Variants in CNTNAP2 observed in about 807,000 individuals in gnomAD.
CNTNAP2 encodes contactin-associated protein-like 2.
CNTNAP2 carries 98 observed loss-of-function variants against 155.2 expected under a neutral mutation model. The ratio of observed to expected loss-of-function variants is 0.63; its 90% CI spans 0.54 to 0.75. The LOEUF is 0.75. Among genes scored for constraint, CNTNAP2 ranks in the 30% least tolerant of loss-of-function variants. CNTNAP2 has a pLI of 0.00. For missense variants in CNTNAP2, 1,727 were observed against 1,688.1 expected, an observed-to-expected ratio of 1.02 and a Z score of -0.40; for synonymous variants, 651 against 631.2, an observed-to-expected ratio of 1.03 and a Z score of -0.47.
intron 15 of CNTNAP2, among the ~76,000 whole-genome samples, chr7:148,047,722 G>T (rs957066697): frequency 1.4e-4 from 22 of 152,180 alleles, no homozygotes; most frequent in African/African-American, 5.3e-4. Context: ...GTCCTCAAAT[G>T]ACCATGAAAG....
At chr7:147,048,445 G>A (rs956072519) in intron 4 of CNTNAP2, among the ~76,000 whole-genome samples, 3 of 152,226 alleles carry the variant, frequency 2.0e-5, no homozygotes, top group East Asian at 1.9e-4. Context: ...TCTGACCTCC[G>A]AAGTTGTGAA....
chr7:147,237,761 A>T (rs147285073), intron 8 of CNTNAP2, among the ~76,000 whole-genome samples: 2 of 152,346 alleles, frequency 1.3e-5, no homozygotes, highest in East Asian at 3.9e-4. Flanking sequence ...ATTCAGTCAT[A>T]TGTACATTTC....
chr7:147,349,313 G>C (rs904627685), intron 9 of CNTNAP2, among the ~76,000 whole-genome samples: 1 of 151,724 alleles, frequency 6.6e-6, no homozygotes, highest in Admixed American at 6.6e-5. Context: ...TAAAACAAAA[G>C]ATACTATTAG....
chr7:146,938,546 C>G (rs1307552587), intron 3 of CNTNAP2, among the ~76,000 whole-genome samples: 1 of 151,684 alleles, frequency 6.6e-6, no homozygotes, highest in Non-Finnish European at 1.5e-5. Context: ...ACAAATCCCT[C>G]CACTCCACAT....
At chr7:147,662,952 G>A (rs1310070967) in intron 13 of CNTNAP2, among the ~76,000 whole-genome samples, 2 of 152,110 alleles carry the variant, frequency 1.3e-5, no homozygotes, top group South Asian at 2.1e-4. Flanking sequence ...CTTAGTTTTA[G>A]AGCGTGATTT....
At chr7:146,625,536 C>T (rs1799404343) in intron 1 of CNTNAP2, among the ~76,000 whole-genome samples, 1 of 151,912 alleles carries the variant, frequency 6.6e-6, no homozygotes, top group South Asian at 2.1e-4. Context: ...TAGTATTTGT[C>T]TGTGAGTTAC....
In CNTNAP2 at chr7:148,338,561, A is replaced by AG. The variant is rs146944344; in HGVS notation, c.3476-45080dup. Among the ~76,000 whole-genome samples the AG allele has an allele frequency of 9.3e-3, 1,395 of 150,338 alleles. 11 individuals are homozygous for AG. Among genetic ancestry groups the AG allele is most frequent in the East Asian group, 0.028 (145 of 5,116 alleles). ...CCAGTAATTGGGGCGTGGGGGGGTG[A>AG]GGGGGGGGTGAGTTACTGCTGATGA... On this transcript the variant is annotated intron_variant, in intron 21 of 23. Coordinates refer to ENST00000361727, the MANE Select transcript of CNTNAP2 (RefSeq NM_014141.6).
chr7:147,251,939 A>G (rs1434339212), intron 8 of CNTNAP2, among the ~76,000 whole-genome samples: 1 of 152,116 alleles, frequency 6.6e-6, no homozygotes, highest in Non-Finnish European at 1.5e-5. Flanking sequence ...GTTTAATTCA[A>G]TGGATATATG....
chr7:146,373,352 C>T (rs1388721534), intron 1 of CNTNAP2, among the ~76,000 whole-genome samples: 1 of 151,570 alleles, frequency 6.6e-6, no homozygotes, highest in Non-Finnish European at 1.5e-5. Context: ...AACCTTCAGA[C>T]ATATAAGGAG....
intron 15 of CNTNAP2, among the ~76,000 whole-genome samples, chr7:148,080,013 T>C (rs1030368340): frequency 6.6e-6 from 1 of 152,172 alleles, no homozygotes; most frequent in Non-Finnish European, 1.5e-5. Flanking sequence ...TGCCAAAGTC[T>C]CTAAGAGCTA....
intron 14 of CNTNAP2, among the ~76,000 whole-genome samples, chr7:147,950,460 C>G (rs142415412): frequency 6.8e-6 from 1 of 147,836 alleles, no homozygotes; most frequent in Admixed American, 6.8e-5. Context: ...TTGCTAATAG[C>G]CCTCTTTGAA....
At chr7:148,061,502 C>T (rs1032439069) in intron 15 of CNTNAP2, among the ~76,000 whole-genome samples, 12 of 152,004 alleles carry the variant, frequency 7.9e-5, no homozygotes, top group African/African-American at 2.2e-4. Context: ...TACAGGTGCA[C>T]GCCATCACGC....
chr7:146,591,801 T>C (rs562755429), intron 1 of CNTNAP2, among the ~76,000 whole-genome samples: 28 of 152,338 alleles, frequency 1.8e-4, no homozygotes, highest in African/African-American at 5.8e-4. Flanking sequence ...TCTGGATCTA[T>C]AATTCCAGTC....
In CNTNAP2 at chr7:147,722,990, G is replaced by T. The variant is rs1477724635; in HGVS notation, c.2098+83684G>T. Among the ~76,000 whole-genome samples, 3 of 152,030 alleles carry T rather than the reference G, an allele frequency of 2.0e-5. No individual in the cohort carries two copies. The East Asian group carries it at 5.8e-4, about 29-fold the overall frequency. The stretch of plus-strand genomic sequence containing the variant: ...TGTTGATTCTTATCTCAAAAAGTAA[G>T]ATTTCTAGCTCTAGAGAGACCTTCA... On this transcript the variant is annotated intron_variant, in intron 13 of 23. Transcript: ENST00000361727.
rs1199099190 is a variant in CNTNAP2 at position 148,331,397 on chromosome 7, GTGGATGGATGGAA to G, written c.3476-52240_3476-52228del. On this transcript the variant is annotated intron_variant, in intron 21 of 23. Transcript: ENST00000361727. Reference sequence around the variant, plus strand: ...GGAGTGGATGGAGTGGACGGATGGAGTGGATGGATGGAATGGATGGATGGGATGGATGGAGTGG... The same window carrying G: ...GGAGTGGATGGAGTGGACGGATGGAGTGGATGGATGGGATGGATGGAGTGG... 1.4e-3 allele frequency among the ~76,000 whole-genome samples: 153 copies of G among 111,184 alleles called. 4 individuals are homozygous for G. Among genetic ancestry groups the G allele is most frequent in the African/African-American group, 5.3e-3 (144 of 27,410 alleles). 72.9% of individuals were successfully genotyped at this position (111,184 alleles called of 152,430 possible).
chr7:146,737,779 G>A (rs1290892964), intron 1 of CNTNAP2, among the ~76,000 whole-genome samples: 1 of 151,906 alleles, frequency 6.6e-6, no homozygotes, highest in African/African-American at 2.4e-5. Flanking sequence ...TTAACATAAT[G>A]TCCTTCAGGT....
At chr7:147,173,462 A>G (rs933476608) in intron 8 of CNTNAP2, among the ~76,000 whole-genome samples, 1 of 152,168 alleles carries the variant, frequency 6.6e-6, no homozygotes, top group Non-Finnish European at 1.5e-5. Flanking sequence ...GTATGGAGGG[A>G]ATGTTATTAC....
chr7:147,154,388 A>T lies in CNTNAP2; in HGVS notation c.1348+21879A>T, dbSNP rs1219863402. ...TGACAATGGAATGATCCAATAGGTT[A>T]TACAAAATTATGGAGTGCTTTTAAT... On this transcript the variant is annotated intron_variant, in intron 8 of 23. Transcript: ENST00000361727. Among the ~76,000 whole-genome samples, 2 of 152,202 alleles carry T rather than the reference A, an allele frequency of 1.3e-5. 1 individual carries two copies. Among genetic ancestry groups the T allele is most frequent in the South Asian group, 4.1e-4 (2 of 4,834 alleles).
At chr7:146,846,427 G>T (rs953039807) in intron 3 of CNTNAP2, among the ~76,000 whole-genome samples, 3 of 151,992 alleles carry the variant, frequency 2.0e-5, no homozygotes, top group African/African-American at 7.3e-5. Flanking sequence ...TTTCCAAGGC[G>T]ATTTCAGAAT....
Sources: allele counts gnomAD v4.1 joint callset (sites outside exome capture counted in the v4.1 genomes callset), GRCh38; gene constraint gnomAD v4.1.1; transcripts MANE v1.5; gene names NCBI Gene and HGNC (gene_info 2026-07-23, HGNC 2026-07-21).